The following KLF8 variants were observed in gnomAD, a reference collection of about 807,000 sequenced individuals.
KLF8 encodes Krueppel-like factor 8.
A neutral mutation model predicts 18.2 loss-of-function variants in KLF8; 10 were observed. The observed-to-expected ratio is 0.55, with a 90% confidence interval of 0.34 to 0.93. The LOEUF is 0.93. KLF8 is among the 40% of genes least tolerant of loss of function. KLF8 has a pLI of 0.02. For missense variants in KLF8, 264 were observed against 277.9 expected (o/e 0.95, Z 0.36); for synonymous variants, 109 against 97.3 (o/e 1.12, Z -0.71).
chrX:56,130,397 GAAAT>G, the KLF8 span, among the ~76,000 whole-genome samples: 2 of 111,580 alleles, frequency 1.8e-5, no homozygotes, highest in Non-Finnish European at 3.8e-5. Context: ...ATCCAGAAGA[GAAAT>G]AACATTCATT....
chrX:56,189,174 A>G, the KLF8 span, among the ~76,000 whole-genome samples: 49 of 111,897 alleles, frequency 4.4e-4, no homozygotes, highest in African/African-American at 1.5e-3. Context: ...AATTTACAAG[A>G]AAAAAAGCAA....
the KLF8 span, among the ~76,000 whole-genome samples, chrX:56,115,399 C>T: frequency 8.9e-6 from 1 of 112,161 alleles, no homozygotes; most frequent in Admixed American, 9.5e-5. Context: ...GAAGCCAACA[C>T]ATCTGGAAAG....
the KLF8 span, among the ~76,000 whole-genome samples, chrX:56,097,333 C>A: frequency 2.9e-5 from 3 of 104,829 alleles, no homozygotes; most frequent in African/African-American, 1.0e-4. Flanking sequence ...TTTCTACACC[C>A]TTTCTTTCTT....
At chrX:56,143,201 G>T in the KLF8 span, among the ~76,000 whole-genome samples, 4 of 111,117 alleles carry the variant, frequency 3.6e-5, no homozygotes, top group East Asian at 5.7e-4. Flanking sequence ...ACATGCTCTC[G>T]TCTCAGGCCC....
At chrX:56,113,723 T>C in the KLF8 span, among the ~76,000 whole-genome samples, 3 of 110,753 alleles carry the variant, frequency 2.7e-5, no homozygotes, top group African/African-American at 9.9e-5. Context: ...AATATGAATG[T>C]ATATTCTGTT....
the KLF8 span, among the ~76,000 whole-genome samples, chrX:55,979,744 T>C: frequency 9.0e-6 from 1 of 111,505 alleles, no homozygotes; most frequent in Admixed American, 9.5e-5. Context: ...GCAAATGCTG[T>C]GGGAATGGAG....
chrX:56,095,323 A>T, the KLF8 span, among the ~76,000 whole-genome samples: 1 of 112,755 alleles, frequency 8.9e-6, no homozygotes, highest in Admixed American at 9.3e-5. Context: ...AAACTAACTC[A>T]AGATGGTTTA....
chrX:55,971,093 T>C, the KLF8 span, among the ~76,000 whole-genome samples: 1 of 111,105 alleles, frequency 9.0e-6, no homozygotes, highest in Non-Finnish European at 1.9e-5. Context: ...ACAACAGACC[T>C]AGAATAGCCA....
At chrX:56,154,748 T>A in the KLF8 span, among the ~76,000 whole-genome samples, 6 of 111,274 alleles carry the variant, frequency 5.4e-5, no homozygotes, top group East Asian at 2.8e-4. Context: ...GAACTCAAAC[T>A]AATTTACAAG....
At chrX:56,202,294 T>C in the KLF8 span, among the ~76,000 whole-genome samples, 1 of 110,675 alleles carries the variant, frequency 9.0e-6, no homozygotes, top group Non-Finnish European at 1.9e-5. Flanking sequence ...TCTTGTTTAT[T>C]TTTGTGGGTA....
chrX:56,286,506 T>C lies in KLF8; in HGVS notation c.*2012T>C, dbSNP rs1421388810. The C allele has an allele frequency of 8.9e-6, 1 of 112,517 alleles. No individual in the cohort carries two copies. Among genetic ancestry groups the C allele is most frequent in the Non-Finnish European group, 1.9e-5 (1 of 53,352 alleles). 9.3% of individuals were successfully genotyped at this position (112,517 alleles called of 1,213,427 possible). Reference sequence around the variant, plus strand: ...TTTATGTGATTGGTTGCAATATTTGTCTAATTTTATATGTTTTCTTCAGGA... The same window carrying C: ...TTTATGTGATTGGTTGCAATATTTGCCTAATTTTATATGTTTTCTTCAGGA... On this transcript the variant is annotated 3_prime_UTR_variant, in exon 6 of 6. Coordinates refer to ENST00000468660, the MANE Select transcript of KLF8 (RefSeq NM_007250.5).
chrX:55,960,544 G>A, the KLF8 span, among the ~76,000 whole-genome samples: 1 of 100,423 alleles, frequency 1.0e-5, no homozygotes, highest in African/African-American at 3.5e-5. Context: ...AAAAGGAAGA[G>A]GAAGAGGAGA....
the KLF8 span, among the ~76,000 whole-genome samples, chrX:56,089,625 G>T: frequency 8.9e-6 from 1 of 112,322 alleles, no homozygotes; most frequent in Admixed American, 9.4e-5. Flanking sequence ...AGTCTTCAAA[G>T]TTTGAGACAC....
chrX:56,144,708 G>T, the KLF8 span, among the ~76,000 whole-genome samples: 11 of 97,424 alleles, frequency 1.1e-4, no homozygotes, highest in African/African-American at 3.2e-4. Flanking sequence ...AGCCGAGATG[G>T]TGCCACTGCA....
At chrX:55,943,009 G>A in the KLF8 span, among the ~76,000 whole-genome samples, 1 of 111,853 alleles carries the variant, frequency 8.9e-6, no homozygotes, top group Non-Finnish European at 1.9e-5. Context: ...GATGGTAGCA[G>A]TGGAGACAGA....
chrX:56,008,118 C>CTATA, the KLF8 span, among the ~76,000 whole-genome samples: 1,953 of 99,778 alleles, frequency 0.02, 46 homozygotes, highest in African/African-American at 0.069. Flanking sequence ...TAGTGCAAAG[C>CTATA]TATATATATA....
chrX:55,963,505 T>C, the KLF8 span, among the ~76,000 whole-genome samples: 1 of 111,648 alleles, frequency 9.0e-6, no homozygotes. Context: ...TGTAGACTTA[T>C]TGCAGCCTGG....
At chrX:56,222,217 G>A in the KLF8 span, among the ~76,000 whole-genome samples, 8 of 111,043 alleles carry the variant, frequency 7.2e-5, no homozygotes, top group African/African-American at 1.6e-4. Context: ...GACACAGAGC[G>A]CAGATTGGTG....
the KLF8 span, among the ~76,000 whole-genome samples, chrX:56,116,269 C>T: frequency 3.6e-5 from 4 of 112,257 alleles, no homozygotes; most frequent in Admixed American, 1.9e-4. Flanking sequence ...GGATCCAGCC[C>T]GGGATTCTGA....
Sources: gnomAD v4.1 joint callset for allele counts (sites outside exome capture counted in the v4.1 genomes callset) on GRCh38, gnomAD v4.1.1 for gene constraint, MANE v1.5 for transcripts, NCBI Gene and HGNC (gene_info 2026-07-23, HGNC 2026-07-21) for gene names.